CHRM3: variants seen among roughly 807,000 people sequenced by gnomAD.
The protein encoded by CHRM3 is muscarinic acetylcholine receptor M3.
A neutral mutation model predicts 41.8 loss-of-function variants in CHRM3; 11 were observed. The observed-to-expected ratio is 0.26, with a 90% confidence interval of 0.17 to 0.44. The LOEUF is 0.44. Ranked by LOEUF, CHRM3 falls within the 20% of genes least tolerant of loss-of-function variation. The pLI is 1.00. For missense variants in CHRM3, 571 were observed against 745.4 expected, an observed-to-expected ratio of 0.77 and a Z score of 2.72; for synonymous variants, 297 against 301.4, an observed-to-expected ratio of 0.99 and a Z score of 0.15.
intron 1 of CHRM3, among the ~76,000 whole-genome samples, chr1:239,404,470 A>AAAGAAAG (rs1558196199): frequency 4.3e-5 from 5 of 115,162 alleles, no homozygotes; most frequent in East Asian, 3.0e-4. Flanking sequence ...AAGAAAGAAA[A>AAAGAAAG]AGAAAGAAAG....
At chr1:239,892,386 G>A (rs1678628115) in intron 6 of CHRM3, among the ~76,000 whole-genome samples, 1 of 151,894 alleles carries the variant, frequency 6.6e-6, no homozygotes, top group African/African-American at 2.4e-5. Context: ...TTTTATTCTT[G>A]CGTACCAAGT....
chr1:239,519,999 G>A (rs912313793), intron 2 of CHRM3, among the ~76,000 whole-genome samples: 3 of 151,768 alleles, frequency 2.0e-5, no homozygotes, highest in East Asian at 1.9e-4. Context: ...TGCTCGCCTC[G>A]GCCTCCCAAA....
At chr1:239,890,144 G>A (rs530296) in intron 6 of CHRM3, among the ~76,000 whole-genome samples, 124,931 of 151,890 alleles carry the variant, frequency 0.82, 52,607 homozygotes, top group South Asian at 0.95. Flanking sequence ...TCTACCAAAA[G>A]TATAAGATTA....
intron 2 of CHRM3, among the ~76,000 whole-genome samples, chr1:239,505,793 A>C (rs143346003): frequency 0.013 from 1,964 of 152,252 alleles, 34 homozygotes; most frequent in South Asian, 0.038. Flanking sequence ...AAAGTTTGGA[A>C]CTTCCTAGAG....
At chr1:239,762,698 C>T (rs1558522622) in intron 5 of CHRM3, among the ~76,000 whole-genome samples, 2 of 152,130 alleles carry the variant, frequency 1.3e-5, no homozygotes, top group Non-Finnish European at 2.9e-5. Context: ...CAAAAGGAAT[C>T]ATAATCTCAA....
intron 3 of CHRM3, 148 bp downstream of exon 3, chr1:239,545,897 A>C (rs2148413468): frequency 6.6e-6 from 1 of 152,288 alleles, no homozygotes; most frequent in African/African-American, 2.4e-5. Flanking sequence ...TTTCTGTATC[A>C]ACCAATTGTA....
intron 2 of CHRM3, among the ~76,000 whole-genome samples, chr1:239,514,230 G>A (rs1669111078): frequency 6.6e-6 from 1 of 152,062 alleles, no homozygotes; most frequent in African/African-American, 2.4e-5. Context: ...GAGAAGAACT[G>A]ACATCTTCAC....
intron 4 of CHRM3, among the ~76,000 whole-genome samples, chr1:239,653,309 G>A (rs984906449): frequency 6.6e-6 from 1 of 152,154 alleles, no homozygotes; most frequent in East Asian, 1.9e-4. Flanking sequence ...GAGATGATGA[G>A]GAGTGAGGAG....
intron 5 of CHRM3, chr1:239,704,149 C>T (rs1405172617): frequency 6.6e-6 from 1 of 152,110 alleles, no homozygotes; most frequent in Non-Finnish European, 1.5e-5. Context: ...ATAGACTATA[C>T]TGGCTGTGAT....
intron 3 of CHRM3, among the ~76,000 whole-genome samples, chr1:239,603,744 G>C (rs151133274): frequency 1.3e-5 from 2 of 151,994 alleles, no homozygotes; most frequent in Non-Finnish European, 2.9e-5. Context: ...TCATGAGTGC[G>C]TGGGTGTTAA....
intron 3 of CHRM3, among the ~76,000 whole-genome samples, chr1:239,579,195 A>G (rs1471156800): frequency 6.6e-6 from 1 of 152,142 alleles, no homozygotes; most frequent in African/African-American, 2.4e-5. Flanking sequence ...CTTATATTCC[A>G]TATTTCCTTT....
intron 6 of CHRM3, among the ~76,000 whole-genome samples, chr1:239,881,119 A>T (rs1324832461): frequency 7.3e-5 from 11 of 151,490 alleles, no homozygotes; most frequent in Non-Finnish European, 1.5e-4. Flanking sequence ...CCGTCTCTAC[A>T]AAAAATACAA....
chr1:239,533,604 G>GTCTGTAATCCCACCTACTCA (rs1657882395), intron 2 of CHRM3, among the ~76,000 whole-genome samples: 2 of 151,480 alleles, frequency 1.3e-5, no homozygotes, highest in Non-Finnish European at 2.9e-5. Flanking sequence ...GGTGGCAGGT[G>GTCTGTAATCCCACCTACTCA]TCTGTAATCC....
At chr1:239,516,897 T>C (rs570688506) in intron 2 of CHRM3, among the ~76,000 whole-genome samples, 4 of 152,176 alleles carry the variant, frequency 2.6e-5, no homozygotes, top group Admixed American at 1.3e-4. Flanking sequence ...AGGATCTAGG[T>C]TGCACACTCC....
intron 5 of CHRM3, among the ~76,000 whole-genome samples, chr1:239,763,873 A>T (rs1158439811): frequency 2.0e-5 from 3 of 151,854 alleles, no homozygotes; most frequent in Non-Finnish European, 2.9e-5. Context: ...AAGAAGGAGG[A>T]TCACTTGAGG....
chr1:239,759,138 TC>T (rs1275744216), intron 5 of CHRM3, among the ~76,000 whole-genome samples: 1 of 150,130 alleles, frequency 6.7e-6, no homozygotes, highest in Non-Finnish European at 1.5e-5. Flanking sequence ...TTGAGCATTT[TC>T]CCCCCTGAGC....
Position 239,387,443 on chromosome 1 carries a change from T to C in CHRM3, c.-521+216T>C, listed in dbSNP as rs1442082518. Among the ~76,000 whole-genome samples, 1 of 152,100 alleles carries C rather than the reference T, an allele frequency of 6.6e-6. No homozygotes were observed. The highest frequency in any genetic ancestry group is 2.0e-4 in the East Asian group (1 of 5,126). On this transcript the variant is annotated intron_variant, in intron 1 of 6. Transcript: ENST00000676153. This position sits in a 1 kb window ranked among gnomAD's most constrained non-coding sequence, Gnocchi z 5.1. ...GCACTTGAATTCCGACAGCGCGATC[T>C]GGTGCGGAGTTGGAGTTCTGGGACT...
chr1:239,560,278 G>A (rs1660733085), intron 3 of CHRM3, among the ~76,000 whole-genome samples: 1 of 152,148 alleles, frequency 6.6e-6, no homozygotes, highest in Admixed American at 6.6e-5. Context: ...GTCTTCAGCT[G>A]TTTTATTGCA....
At chr1:239,660,376 T>C (rs1673079777) in intron 4 of CHRM3, among the ~76,000 whole-genome samples, 1 of 152,052 alleles carries the variant, frequency 6.6e-6, no homozygotes, top group African/African-American at 2.4e-5. Context: ...TCTCCTCAGC[T>C]TCTTACAACT....
Sources: allele counts gnomAD v4.1 joint callset (sites outside exome capture counted in the v4.1 genomes callset), GRCh38; gene constraint gnomAD v4.1.1; non-coding constraint Gnocchi (gnomAD v3.1); transcripts MANE v1.5; gene names NCBI Gene and HGNC (gene_info 2026-07-23, HGNC 2026-07-21).